The following TRIM69 variants were observed in gnomAD, a reference collection of about 807,000 sequenced individuals.
The protein encoded by TRIM69 is E3 ubiquitin-protein ligase TRIM69.
TRIM69 carries 29 observed loss-of-function variants against 37.7 expected under a neutral mutation model. The ratio of observed to expected loss-of-function variants is 0.77; its 90% CI spans 0.57 to 1.05. The LOEUF is 1.05. TRIM69 is among the 50% of genes least tolerant of loss of function. TRIM69 has a pLI of 0.00. For synonymous variants in TRIM69, 209 were observed against 212.4 expected (o/e 0.98, Z 0.14); for missense variants, 596 against 579.9 (o/e 1.03, Z -0.28).
intron 1 of TRIM69, among the ~76,000 whole-genome samples, chr15:44,743,379 A>G (rs2087334567): frequency 6.6e-6 from 1 of 152,234 alleles, no homozygotes; most frequent in African/African-American, 2.4e-5. Context: ...AAACCTAGGC[A>G]TTACCATTCA....
chr15:44,739,421 C>T (rs3110177), intron 1 of TRIM69, among the ~76,000 whole-genome samples: 134,113 of 152,166 alleles, frequency 0.88, 59,765 homozygotes, highest in Non-Finnish European at 0.96. Flanking sequence ...CGAAGCAGGG[C>T]GAGGCATTGC....
chr15:44,755,228 A>G lies in TRIM69; in HGVS notation c.335A>G (p.His112Arg), dbSNP rs2087619297. The change falls in exon 2 of 7, where the codon CAT becomes CGT. Residue 112 changes from histidine (H) to arginine (R), a missense_variant. By Grantham distance (29) the His-to-Arg change is conservative. Transcript: ENST00000329464. Reference protein sequence around the residue: ...KIKKLPLLKGHPQCPEHGENL... With the variant: ...KIKKLPLLKGRPQCPEHGENL... ...AAGAAGTTACCCTTACTCAAGGGCC[A>G]TCCACAGTGCCCAGAGCATGGAGAG... 6.2e-7 allele frequency: 1 copy of G among 1,614,122 alleles called. No individual in the cohort carries two copies. The highest frequency in any genetic ancestry group is 8.5e-7 in the Non-Finnish European group (1 of 1,180,046).
In TRIM69 at chr15:44,736,576, T is replaced by G; in HGVS notation, c.-129T>G. The G allele has an allele frequency of 9.2e-7, 1 of 1,087,758 alleles. No individual in the cohort carries two copies. The highest frequency in any genetic ancestry group is 1.3e-6 in the Non-Finnish European group (1 of 772,800). The allele number at this position is 1,087,758 out of a possible 1,614,324, so 67.4% of individuals were successfully genotyped here. Reference sequence around the variant, plus strand: ...TTCTCTCCAGCTCCTGAACTTTTCTTTCTTCCATCATGCTCTGAGCCCATT... The same window carrying G: ...TTCTCTCCAGCTCCTGAACTTTTCTGTCTTCCATCATGCTCTGAGCCCATT... On this transcript the variant is annotated 5_prime_UTR_variant, in exon 1 of 7. Coordinates refer to ENST00000329464, the MANE Select transcript of TRIM69 (RefSeq NM_182985.5).
chr15:44,739,745 G>T (rs2087241197), intron 1 of TRIM69, among the ~76,000 whole-genome samples: 1 of 151,830 alleles, frequency 6.6e-6, no homozygotes, highest in South Asian at 2.1e-4. Context: ...ACTGGGTGGA[G>T]CCCACCACAG....
At chr15:44,742,162 T>C (rs1184352537) in intron 1 of TRIM69, among the ~76,000 whole-genome samples, 3 of 150,436 alleles carry the variant, frequency 2.0e-5, no homozygotes, top group Non-Finnish European at 4.4e-5. Context: ...GCTGGTTCAA[T>C]ATACGCAAAT....
At chr15:44,736,880 T>C (rs1273752464) in intron 1 of TRIM69, among the ~76,000 whole-genome samples, 170 bp downstream of exon 1, 1 of 152,160 alleles carries the variant, frequency 6.6e-6, no homozygotes, top group Non-Finnish European at 1.5e-5. Context: ...TTGGAATAAC[T>C]GATAATTTAT....
At chr15:44,747,219 T>C (rs996544792) in intron 1 of TRIM69, among the ~76,000 whole-genome samples, 1 of 152,176 alleles carries the variant, frequency 6.6e-6, no homozygotes, top group Non-Finnish European at 1.5e-5. Context: ...AGGACAAATA[T>C]GCCATATTTT....
At chr15:44,739,824 T>G (rs2087242491) in intron 1 of TRIM69, among the ~76,000 whole-genome samples, 4 of 151,472 alleles carry the variant, frequency 2.6e-5, no homozygotes, top group East Asian at 3.9e-4. Flanking sequence ...CAAAAAGACA[T>G]CAGTAACCTC....
chr15:44,738,054 CTTTTTTT>C (rs869285725), intron 1 of TRIM69, among the ~76,000 whole-genome samples: 1 of 23,456 alleles, frequency 4.3e-5, no homozygotes, highest in East Asian at 3.6e-3. Context: ...TTCTTTCTTT[CTTTTTTT>C]TTTTTTTTTT....
rs2087167052 is a variant in TRIM69, at chr15:44,736,653, G to A, written c.-52G>A. The A allele has an allele frequency of 6.2e-7, 1 of 1,609,396 alleles. No individual in the cohort carries two copies. The highest frequency in any genetic ancestry group is 1.3e-5 in the African/African-American group (1 of 74,380). On this transcript the variant is annotated 5_prime_UTR_variant, in exon 1 of 7. Transcript: ENST00000329464. ...CCCAGTCTGCAGCCATCCTGGGCCT[G>A]CTGAGCTCTGATTCAAGTGCCTGCC...
chr15:44,738,736 T>C lies in TRIM69; in HGVS notation c.6+2026T>C, dbSNP rs149317915. On this transcript the variant is annotated intron_variant, in intron 1 of 6. Coordinates refer to ENST00000329464, the MANE Select transcript of TRIM69 (RefSeq NM_182985.5). ...AAATCTGAGACCCACTACTTAATAA[T>C]TGTGACTCTGGGAAGATACTTGAAG... is the stretch of plus-strand genomic sequence containing the variant. Among the ~76,000 whole-genome samples the C allele has an allele frequency of 3.4e-3, 513 of 152,318 alleles. 2 individuals carry two copies. Among genetic ancestry groups the C allele is most frequent in the African/African-American group, 0.012 (489 of 41,568 alleles).
At position 44,736,698 on chromosome 15, in the gene TRIM69, A is replaced by G. The variant is rs776934810; in HGVS notation, c.-7A>G. ...CCTGCCTCTGCCCCTTGGTGGGCTG[A>G]AGCTTCATGGAGGTGAGTGACCCTT... On this transcript the variant is annotated 5_prime_UTR_variant, in exon 1 of 7. Transcript: ENST00000329464. 1.9e-6 allele frequency: 3 copies of G among 1,608,040 alleles called. No individual in the cohort carries two copies. Among genetic ancestry groups the G allele is most frequent in the Non-Finnish European group, 2.5e-6 (3 of 1,178,288 alleles).
At chr15:44,759,540 G>A (rs564121943) in intron 4 of TRIM69, 100 bp from the exon 5 acceptor site, 56 of 1,215,324 alleles carry the variant, frequency 4.6e-5, no homozygotes, top group Middle Eastern at 2.8e-4. Flanking sequence ...AGATGAGTTC[G>A]GGACCATCTG....
intron 6 of TRIM69, among the ~76,000 whole-genome samples, chr15:44,766,953 G>T (rs2141153470): frequency 6.8e-6 from 1 of 147,254 alleles, no homozygotes; most frequent in East Asian, 2.0e-4. Context: ...CAGCTATTTG[G>T]GGGGCTGAGG....
At position 44,765,864 on chromosome 15, in the gene TRIM69, T is replaced by A. The variant is rs183652238; in HGVS notation, c.962-1367T>A. On this transcript the variant is annotated intron_variant, in intron 6 of 6. Transcript: ENST00000329464. ...AATCCAATAACAACAAATGCATGCA[T>A]ACATGTATCTGTGTCCATGGTGTGC... Among the ~76,000 whole-genome samples, 34 of 152,300 alleles carry A rather than the reference T, an allele frequency of 2.2e-4. No individual in the cohort carries two copies. In the East Asian group the frequency reaches 6.2e-3, roughly 28 times the overall value.
At chr15:44,746,382 A>T (rs1202463458) in intron 1 of TRIM69, among the ~76,000 whole-genome samples, 1 of 152,222 alleles carries the variant, frequency 6.6e-6, no homozygotes, top group Non-Finnish European at 1.5e-5. Context: ...ATGAAGGGAC[A>T]TTAGACAATA....
Position 44,755,374 on chromosome 15 carries a change from ACGG to A in TRIM69, c.482_483+1del, listed in dbSNP as rs756419381. Reference sequence around the variant, plus strand: ...AATCTCTGATGCTGTCCATTTCTTCACGGTGGGTGAGCCCTGGGCCTTGAACAA... The same window carrying A: ...AATCTCTGATGCTGTCCATTTCTTCATGGGTGAGCCCTGGGCCTTGAACAA... On this transcript the variant is annotated splice_donor_variant and coding_sequence_variant, in exon 2 of 7. Coordinates refer to ENST00000329464, the MANE Select transcript of TRIM69 (RefSeq NM_182985.5). LOFTEE classifies it high-confidence loss of function. 4 of 1,610,260 alleles carry A rather than the reference ACGG, an allele frequency of 2.5e-6. No homozygotes were observed. The highest frequency in any genetic ancestry group is 1.9e-4 in the Middle Eastern group (1 of 5,284).
At chr15:44,761,756 T>C (rs1475914624) in intron 6 of TRIM69, among the ~76,000 whole-genome samples, 1 of 152,204 alleles carries the variant, frequency 6.6e-6, no homozygotes, top group African/African-American at 2.4e-5. Flanking sequence ...TGAGCCGTGG[T>C]GCCCGGCTGC....
Position 44,756,377 on chromosome 15 carries a change from G to A in TRIM69, c.493G>A (p.Ala165Thr), listed in dbSNP as rs1035246716. Residue 165 changes from alanine to threonine, a missense_variant, in exon 3 of 7, where the codon GCC becomes ACC. By Grantham distance (58) the Ala-to-Thr change is moderately conservative (BLOSUM62 0). Transcript: ENST00000329464. ...TATTTGATATTCCCAGGAGGAGCTT[G>A]CCATCCAACAGGGTCAACTGGAGAC... ...DAVHFFTEEL[A>T]IQQGQLETTL... The A allele has an allele frequency of 1.9e-6, 3 of 1,549,664 alleles. No individual in the cohort carries two copies. The highest frequency in any genetic ancestry group is 2.6e-6 in the Non-Finnish European group (3 of 1,146,000).
Sources: allele counts gnomAD v4.1 joint callset (sites outside exome capture counted in the v4.1 genomes callset), GRCh38; gene constraint gnomAD v4.1.1; transcripts MANE v1.5; gene names NCBI Gene and HGNC (gene_info 2026-07-23, HGNC 2026-07-21).